The following WDR75 variants were observed in gnomAD, a reference collection of about 807,000 sequenced individuals.
WDR75 encodes WD repeat domain 75.
In WDR75, 52 loss-of-function variants were observed where a neutral mutation model predicts 106.1. The ratio of observed to expected loss-of-function variants is 0.49; its 90% CI spans 0.39 to 0.62. The LOEUF is 0.62. Among genes scored for constraint, WDR75 ranks in the 20% least tolerant of loss-of-function variants. WDR75 has a pLI of 0.00. For synonymous variants in WDR75, 333 were observed against 335.5 expected, an observed-to-expected ratio of 0.99 and a Z score of 0.08; for missense variants, 905 against 970.3, an observed-to-expected ratio of 0.93 and a Z score of 0.89.
chr2:189,462,632 C>T lies in WDR75; in HGVS notation c.927C>T (p.His309=), dbSNP rs770057489. The part of the protein sequence containing the change: ...SPAGDLFCTS[H]SDNKIIIIHR... ...CAGGAGATTTATTCTGCACTTCTCA[C>T]TCTGATAATAGTAAGTCTAAATTTT... is the stretch of plus-strand genomic sequence containing the variant. The change falls in exon 9 of 21, where the codon CAC becomes CAT. Residue 309 remains histidine (H), a synonymous_variant. Transcript: ENST00000314761. The T allele has an allele frequency of 2.5e-6, 4 of 1,613,504 alleles. No homozygotes were observed. Among genetic ancestry groups the T allele is most frequent in the South Asian group, 1.1e-5 (1 of 91,020 alleles).
At chr2:189,464,057 T>C in intron 11 of WDR75, 96 bp downstream of exon 11, 1 of 991,080 alleles carries the variant, frequency 1.0e-6, no homozygotes, top group Non-Finnish European at 1.5e-6. Flanking sequence ...AACAAGATCC[T>C]GTGCATATGT....
intron 8 of WDR75, among the ~76,000 whole-genome samples, chr2:189,462,039 G>A (rs1281862939): frequency 3.9e-5 from 6 of 152,022 alleles, no homozygotes; most frequent in Admixed American, 3.3e-4. Flanking sequence ...CAGCTGTTAA[G>A]GTAATCTCAT....
intron 2 of WDR75, chr2:189,449,189 C>T: frequency 8.1e-7 from 1 of 1,227,824 alleles, no homozygotes; most frequent in Non-Finnish European, 1.1e-6. Flanking sequence ...AATTTTATCT[C>T]AACAATATTT....
chr2:189,464,099 T>A (rs2105567590), intron 11 of WDR75, 138 bp downstream of exon 11: 1 of 750,880 alleles, frequency 1.3e-6, no homozygotes, highest in South Asian at 1.9e-5. Flanking sequence ...CGTGGTTACT[T>A]AGTTCAGTTG....
chr2:189,448,878 C>A (rs1172204032), intron 2 of WDR75: 3 of 472,660 alleles, frequency 6.3e-6, no homozygotes, highest in Non-Finnish European at 1.3e-5. Flanking sequence ...GACTTGTGAA[C>A]CATTTGGTGT....
At chr2:189,456,928 T>C (rs1396129568) in intron 5 of WDR75, among the ~76,000 whole-genome samples, 1 of 152,106 alleles carries the variant, frequency 6.6e-6, no homozygotes, top group East Asian at 1.9e-4. Flanking sequence ...TGTTAACTTT[T>C]GTGGGGGAGT....
At chr2:189,456,625 G>A (rs1686742270) in intron 5 of WDR75, among the ~76,000 whole-genome samples, 1 of 152,062 alleles carries the variant, frequency 6.6e-6, no homozygotes, top group South Asian at 2.1e-4. Flanking sequence ...GAAACATTGA[G>A]GAATGACTGT....
At chr2:189,450,849 A>T (rs1266867666) in intron 2 of WDR75, 54 bp from the exon 3 acceptor site, 9 of 1,596,432 alleles carry the variant, frequency 5.6e-6, no homozygotes, top group Non-Finnish European at 7.7e-6. Flanking sequence ...TTCATTTGAT[A>T]TCTTGATGAA....
intron 8 of WDR75, 132 bp from the exon 9 acceptor site, chr2:189,462,351 GA>G (rs1191979676): frequency 9.9e-7 from 1 of 1,012,896 alleles, no homozygotes; most frequent in East Asian, 2.5e-5. Flanking sequence ...TAAAAGATAC[GA>G]AGACACTTTT....
At chr2:189,467,382 T>A (rs7606348) in intron 13 of WDR75, 86 bp from the exon 14 acceptor site, 57,476 of 1,400,066 alleles carry the variant, frequency 0.041, 1,624 homozygotes, top group African/African-American at 0.14. Flanking sequence ...AAGTGAACCC[T>A]CAGATAATGG....
chr2:189,442,423 T>C (rs2106107374), intron 1 of WDR75, among the ~76,000 whole-genome samples: 1 of 149,988 alleles, frequency 6.7e-6, no homozygotes, highest in African/African-American at 2.4e-5. Flanking sequence ...TTATGAAAGT[T>C]TGTAGCCTCC....
intron 11 of WDR75, 88 bp from the exon 12 acceptor site, chr2:189,464,991 G>A (rs1574200578): frequency 2.0e-6 from 2 of 1,001,176 alleles, no homozygotes; most frequent in Non-Finnish European, 2.9e-6. Context: ...TGTCTTGGAT[G>A]TAGTTAATTA....
At chr2:189,464,066 GT>G in intron 11 of WDR75, 105 bp downstream of exon 11, 1 of 924,104 alleles carries the variant, frequency 1.1e-6, no homozygotes, top group Non-Finnish European at 1.7e-6. Context: ...CTGTGCATAT[GT>G]TTACTTGAAC....
chr2:189,464,936 AT>A (rs1457181311), intron 11 of WDR75, 142 bp from the exon 12 acceptor site: 34 of 551,888 alleles, frequency 6.2e-5, no homozygotes, highest in South Asian at 9.8e-5. Flanking sequence ...CAATTAGTTC[AT>A]TTTTGCCTTT....
At chr2:189,455,282 T>TAG in intron 4 of WDR75, 38 bp from the exon 5 acceptor site, 1 of 1,601,492 alleles carries the variant, frequency 6.2e-7, no homozygotes, top group Non-Finnish European at 8.5e-7. Context: ...TTGCTCTCTC[T>TAG]AGAGAAGCTT....
At chr2:189,459,007 GT>G in intron 7 of WDR75, 135 bp downstream of exon 7, 1 of 1,163,766 alleles carries the variant, frequency 8.6e-7, no homozygotes, top group Non-Finnish European at 1.2e-6. Flanking sequence ...CATACTTACT[GT>G]TTTAGAATTT....
At chr2:189,455,590 T>C in intron 5 of WDR75, 146 bp downstream of exon 5, 1 of 1,052,640 alleles carries the variant, frequency 9.5e-7, no homozygotes, top group Non-Finnish European at 1.3e-6. Flanking sequence ...TTCATTGCTT[T>C]AGCATGTATT....
intron 1 of WDR75, among the ~76,000 whole-genome samples, chr2:189,447,878 TC>T (rs1394525988): frequency 3.9e-5 from 6 of 152,270 alleles, no homozygotes; most frequent in African/African-American, 1.2e-4. Flanking sequence ...TTTGGCTGTG[TC>T]CCCACCCAAA....
At position 189,448,422 on chromosome 2, in the gene WDR75, A is replaced by G. The variant is rs142529733; in HGVS notation, c.130A>G (p.Thr44Ala). The change falls in exon 2 of 21, where the codon ACA (threonine) becomes GCA (alanine). Residue 44 changes from threonine (T) to alanine (A), a missense_variant. Physicochemically the swap from Thr to Ala is moderately conservative, Grantham distance 58 (BLOSUM62 0). Transcript: ENST00000314761. ...TGGAGACTTTGTTAAAGTTTACAGC[A>G]CAGTTACAGAAGAGTGTGTACACAT... ...VSGDFVKVYSTVTEECVHILH... is the reference protein window; with the variant it reads ...VSGDFVKVYSAVTEECVHILH... The G allele has an allele frequency of 4.5e-4, 728 of 1,613,780 alleles. 6 individuals carry two copies. The highest frequency in any genetic ancestry group is 9.6e-5 in the Non-Finnish European group (113 of 1,179,864).
Sources: allele counts gnomAD v4.1 joint callset (sites outside exome capture counted in the v4.1 genomes callset), GRCh38; gene constraint gnomAD v4.1.1; transcripts MANE v1.5; gene names NCBI Gene and HGNC (gene_info 2026-07-23, HGNC 2026-07-21).